Variants in FANCM observed in about 807,000 individuals in gnomAD.
FANCM encodes the protein FA complementation group M.
A neutral mutation model predicts 199.5 loss-of-function variants in FANCM; 140 were observed. The observed-to-expected ratio is 0.70, with a 90% CI of 0.61 to 0.81. FANCM has a LOEUF of 0.81. Ranked by LOEUF, FANCM falls within the 30% of genes least tolerant of loss-of-function variation. The probability of loss-of-function intolerance (pLI) is 0.00; values close to 1 mark genes in which losing one functional copy is unlikely to be tolerated. For synonymous variants in FANCM, 840 were observed against 836.8 expected (o/e 1.00, Z -0.07); for missense variants, 2,410 against 2,421.4 (o/e 1.00, Z 0.10).
intron 13 of FANCM, 26 bp from the exon 14 acceptor site, chr14:45,175,045 G>A (rs774402343): frequency 1.3e-6 from 2 of 1,485,500 alleles, no homozygotes; most frequent in Admixed American, 3.4e-5. Context: ...TTTTCCTGTG[G>A]CTTTTTAAAT....
intron 13 of FANCM, 66 bp downstream of exon 13, chr14:45,173,276 T>G (rs1377217527): frequency 1.4e-6 from 2 of 1,410,238 alleles, no homozygotes; most frequent in Non-Finnish European, 2.0e-6. Context: ...AGCTTTTATT[T>G]TTCTTAATTT....
intron 20 of FANCM, among the ~76,000 whole-genome samples, 158 bp from the exon 21 acceptor site, chr14:45,196,014 G>A (rs1162980077): frequency 2.6e-5 from 4 of 152,144 alleles, no homozygotes; most frequent in South Asian, 4.1e-4. Flanking sequence ...AGGTGTAAGA[G>A]TAGTGACTTA....
rs542166393 is a variant in FANCM at position 45,148,418 on chromosome 14, C to A, written c.760-419C>A. Among the ~76,000 whole-genome samples, 3 of 151,970 alleles carry A rather than the reference C, an allele frequency of 2.0e-5. No individual in the cohort carries two copies. The South Asian group carries it at 6.2e-4, about 32-fold the overall frequency. ...AAGCTTTGGGTACATGAAATTTAGTCCTGGAAATATATTCACATCATATAT... is the reference window on the plus strand; with the variant it reads ...AAGCTTTGGGTACATGAAATTTAGTACTGGAAATATATTCACATCATATAT... On this transcript the variant is annotated intron_variant, in intron 3 of 22. Coordinates refer to ENST00000267430, the MANE Select transcript of FANCM (RefSeq NM_020937.4).
chr14:45,167,164 G>T lies in FANCM; in HGVS notation c.2002+1G>T. ...TCATCTATCTTTTCCTATAGGGATG[G>T]TAAATAAATTTTGCATTTGACACAT... On this transcript the variant is annotated splice_donor_variant, in intron 11 of 22. Transcript: ENST00000267430. LOFTEE classifies it high-confidence loss of function. 2 of 1,594,532 alleles carry T rather than the reference G, an allele frequency of 1.3e-6. No homozygotes were observed. The highest frequency in any genetic ancestry group is 1.7e-6 in the Non-Finnish European group (2 of 1,162,204).
chr14:45,175,802 A>C lies in FANCM; in HGVS notation c.3048A>C (p.Ala1016=), dbSNP rs1024727528. Residue 1016 remains alanine (A), a synonymous_variant, in exon 14 of 23, where the codon GCA becomes GCC. Coordinates refer to ENST00000267430, the MANE Select transcript of FANCM (RefSeq NM_020937.4). ...DLEYEIAKGT[A]LENLLFLPCA... is the part of the protein sequence containing the mutation. ...AATATGAAATTGCTAAGGGTACTGC[A>C]CTTGAGAATTTGCTTTTCTTACCCT... 2 of 1,613,754 alleles carry C rather than the reference A, an allele frequency of 1.2e-6. No individual in the cohort carries two copies. Among genetic ancestry groups the C allele is most frequent in the Non-Finnish European group, 1.7e-6 (2 of 1,179,956 alleles).
intron 19 of FANCM, 100 bp downstream of exon 19, chr14:45,187,987 A>T: frequency 1.4e-6 from 1 of 716,466 alleles, no homozygotes; most frequent in Non-Finnish European, 2.5e-6. Context: ...CTGGGCTGTC[A>T]GAGCTATTTG....
intron 8 of FANCM, among the ~76,000 whole-genome samples, chr14:45,156,883 A>C (rs1203922009): frequency 6.8e-6 from 1 of 146,758 alleles, no homozygotes. Context: ...GCGCCACTGC[A>C]CTGCAGCCTG....
intron 16 of FANCM, 26 bp from the exon 17 acceptor site, chr14:45,183,748 G>T: frequency 1.9e-6 from 3 of 1,572,022 alleles, no homozygotes; most frequent in Non-Finnish European, 2.6e-6. Context: ...TTTTTCTTAT[G>T]CAAGAATTTT....
chr14:45,146,832 CAAAAAAAAAAAA>C (rs762253487), intron 3 of FANCM, among the ~76,000 whole-genome samples: 2 of 42,178 alleles, frequency 4.7e-5, no homozygotes, highest in East Asian at 8.6e-4. Flanking sequence ...GACTCTGTCT[CAAAAAAAAAAAA>C]AAAAAAAAAA....
In FANCM at chr14:45,164,527, A is replaced by G. The variant is rs772992005; in HGVS notation, c.1750A>G (p.Arg584Gly). Residue 584 changes from arginine (R) to glycine (G), a missense_variant, in exon 10 of 23, where the codon AGG (arginine) becomes GGG (glycine). Transcript: ENST00000267430. ...TAGAACTGGCCGTAAACGTCAAGGC[A>G]GGATAGTTATTATCCTTTCTGAAGG... ...MGRTGRKRQGRIVIILSEGRE... is the reference protein window; with the variant it reads ...MGRTGRKRQGGIVIILSEGRE... 5 of 1,613,588 alleles carry G rather than the reference A, an allele frequency of 3.1e-6. No homozygotes were observed. The highest frequency in any genetic ancestry group is 1.1e-5 in the South Asian group (1 of 91,044).
intron 12 of FANCM, among the ~76,000 whole-genome samples, chr14:45,171,306 A>G (rs1888324949): frequency 6.6e-6 from 1 of 151,990 alleles, no homozygotes; most frequent in South Asian, 2.1e-4. Context: ...TTATGCTTTC[A>G]TAAGCATCCT....
At chr14:45,139,207 G>A (rs964684128) in intron 2 of FANCM, among the ~76,000 whole-genome samples, 15 of 152,082 alleles carry the variant, frequency 9.9e-5, no homozygotes, top group African/African-American at 3.4e-4. Context: ...TCTTGCATCA[G>A]TTTTTAATTA....
intron 10 of FANCM, 72 bp downstream of exon 10, chr14:45,164,637 A>G: frequency 8.6e-7 from 1 of 1,163,070 alleles, no homozygotes; most frequent in South Asian, 1.3e-5. Flanking sequence ...GAATATCAAC[A>G]TGTTAGCATT....
intron 18 of FANCM, among the ~76,000 whole-genome samples, chr14:45,186,162 G>C (rs1889389382): frequency 6.6e-6 from 1 of 152,086 alleles, no homozygotes; most frequent in Admixed American, 6.5e-5. Flanking sequence ...TCAAAGTACT[G>C]GGTCTATAGC....
rs1395502477 is a variant in FANCM at position 45,176,773 on chromosome 14, C to A, written c.4019C>A (p.Pro1340Gln). 1 of 1,610,960 alleles carries A rather than the reference C, an allele frequency of 6.2e-7. No homozygotes were observed. Among genetic ancestry groups the A allele is most frequent in the Non-Finnish European group, 8.5e-7 (1 of 1,178,498 alleles). ...LPVQKKVMST[P>Q]LSKSNTLNSF... is the part of the protein sequence containing the mutation. The stretch of plus-strand genomic sequence containing the variant: ...GTGCAAAAAAAAGTTATGAGTACAC[C>A]ACTCTCTAAATCAAACACATTGAAC... Residue 1340 changes from proline to glutamine, a missense_variant, in exon 14 of 23, where the codon CCA (proline) becomes CAA (glutamine). Pro to Gln is a moderately conservative substitution (Grantham distance 76). Coordinates refer to ENST00000267430, the MANE Select transcript of FANCM (RefSeq NM_020937.4).
chr14:45,181,286 C>T, intron 14 of FANCM, 144 bp from the exon 15 acceptor site: 1 of 597,168 alleles, frequency 1.7e-6, no homozygotes, highest in Non-Finnish European at 3.0e-6. Context: ...GTTCAGAGTT[C>T]TCCAAGACTA....
intron 3 of FANCM, among the ~76,000 whole-genome samples, chr14:45,141,869 G>A (rs975143823): frequency 4.6e-5 from 7 of 151,866 alleles, no homozygotes; most frequent in Admixed American, 2.0e-4. Flanking sequence ...GATTTCAGGC[G>A]TGAGCTACTA....
intron 18 of FANCM, among the ~76,000 whole-genome samples, chr14:45,186,744 G>A (rs1332634540): frequency 6.6e-6 from 1 of 152,168 alleles, no homozygotes; most frequent in Admixed American, 6.5e-5. Flanking sequence ...CAAAGGCCCC[G>A]AGTCAGTAGT....
Position 45,175,657 on chromosome 14 carries a change from A to T in FANCM, c.2903A>T (p.Tyr968Phe). ...TTTCTTCCATTCGAAGAAGAGCTTT[A>T]TATTGTTAGAACAGATGACCAATTT... ...NLFLPFEEEL[Y>F]IVRTDDQFYN... is the part of the protein sequence containing the mutation. Residue 968 changes from tyrosine to phenylalanine, a missense_variant, in exon 14 of 23, where the codon TAT (tyrosine) becomes TTT (phenylalanine). Tyr to Phe is a conservative substitution (Grantham distance 22, BLOSUM62 3). Coordinates refer to ENST00000267430, the MANE Select transcript of FANCM (RefSeq NM_020937.4). 2 of 1,613,266 alleles carry T rather than the reference A, an allele frequency of 1.2e-6. No individual in the cohort carries two copies. Among genetic ancestry groups the T allele is most frequent in the Non-Finnish European group, 1.7e-6 (2 of 1,179,366 alleles).
Sources: allele counts gnomAD v4.1 joint callset (sites outside exome capture counted in the v4.1 genomes callset), GRCh38; gene constraint gnomAD v4.1.1; transcripts MANE v1.5; gene names NCBI Gene and HGNC (gene_info 2026-07-23, HGNC 2026-07-21).